The following RNF41 variants were observed in gnomAD, a reference collection of about 807,000 sequenced individuals.
RNF41 encodes E3 ubiquitin-protein ligase NRDP1.
A neutral mutation model predicts 33.0 loss-of-function variants in RNF41; 4 were observed. The observed-to-expected ratio is 0.12, with a 90% CI of 0.06 to 0.28. RNF41 has a LOEUF of 0.28. Among genes scored for constraint, RNF41 ranks in the 10% least tolerant of loss-of-function variants. The pLI is 1.00. For missense variants in RNF41, 228 were observed against 432.6 expected, an observed-to-expected ratio of 0.53 and a Z score of 4.19; for synonymous variants, 164 against 153.2, an observed-to-expected ratio of 1.07 and a Z score of -0.52.
At position 56,203,006 on chromosome 12, in the gene RNF41, G is replaced by C. The variant is rs1878654708; in HGVS notation, c.*3441C>G. Reference sequence around the variant, plus strand: ...GCTCTATACTGTGACATGCTTATCAGTATTTTATAAACATACCTTGTGTGC... The same window carrying C: ...GCTCTATACTGTGACATGCTTATCACTATTTTATAAACATACCTTGTGTGC... On this transcript the variant is annotated 3_prime_UTR_variant, in exon 7 of 7. Transcript: ENST00000345093. 6.9e-6 allele frequency: 1 copy of C among 144,088 alleles called. No individual in the cohort carries two copies. The highest frequency in any genetic ancestry group is 2.5e-5 in the African/African-American group (1 of 39,664). 8.9% of individuals were successfully genotyped at this position (144,088 alleles called of 1,614,324 possible). A position where few individuals can be genotyped will look rare whatever the true frequency, so the allele number is the denominator to read the frequency against.
chr12:56,207,535 G>T (rs967026990), intron 6 of RNF41, 111 bp downstream of exon 6: 1 of 875,422 alleles, frequency 1.1e-6, no homozygotes, highest in Non-Finnish European at 1.9e-6. Flanking sequence ...GAGAAGCAGT[G>T]ACCCCCAGCC....
intron 1 of RNF41, among the ~76,000 whole-genome samples, chr12:56,220,358 G>A (rs954907781): frequency 9.1e-6 from 1 of 110,298 alleles, no homozygotes; most frequent in Non-Finnish European, 1.8e-5. Context: ...GGGACTACAG[G>A]TGCATGCAGC....
chr12:56,208,088 C>T, intron 5 of RNF41, 75 bp downstream of exon 5: 1 of 1,565,614 alleles, frequency 6.4e-7, no homozygotes. Context: ...GTGTTCACAA[C>T]TGGTTTTTAT....
intron 1 of RNF41, among the ~76,000 whole-genome samples, chr12:56,217,404 G>C (rs1322634107): frequency 1.3e-5 from 2 of 151,990 alleles, no homozygotes; most frequent in African/African-American, 4.8e-5. Flanking sequence ...AAAATTAGCC[G>C]GGTATGGTGG....
Position 56,207,732 on chromosome 12 carries a change from C to T in RNF41, c.516G>A (p.Leu172=). The part of the protein sequence containing the change: ...QLAEQKRDIQ[L]LKAYMRAIRS... Reference sequence around the variant, plus strand: ...GGATTGCACGCATGTATGCCTTTAGCAGCTGGATGTCTCGCTTCTGTTGTG... The same window carrying T: ...GGATTGCACGCATGTATGCCTTTAGTAGCTGGATGTCTCGCTTCTGTTGTG... Residue 172 remains leucine, a synonymous_variant, in exon 6 of 7, where the codon CTG becomes CTA. Transcript: ENST00000345093. 1 of 1,613,974 alleles carries T rather than the reference C, an allele frequency of 6.2e-7. No individual in the cohort carries two copies. Among genetic ancestry groups the T allele is most frequent in the Non-Finnish European group, 8.5e-7 (1 of 1,179,822 alleles).
chr12:56,221,222 C>G (rs905862154), intron 1 of RNF41, among the ~76,000 whole-genome samples: 2 of 152,108 alleles, frequency 1.3e-5, no homozygotes, highest in Non-Finnish European at 2.9e-5. Flanking sequence ...GCCAGAGAGC[C>G]AGGCTGCAAA....
Position 56,206,567 on chromosome 12 carries a change from C to T in RNF41, c.834G>A (p.Lys278=), listed in dbSNP as rs1016135884. 5 of 1,614,200 alleles carry T rather than the reference C, an allele frequency of 3.1e-6. No individual in the cohort carries two copies. The highest frequency in any genetic ancestry group is 3.4e-6 in the Non-Finnish European group (4 of 1,180,034). The change falls in exon 7 of 7, where the codon AAG becomes AAA. Residue 278 remains lysine, a synonymous_variant. Coordinates refer to ENST00000345093, the MANE Select transcript of RNF41 (RefSeq NM_005785.4). This position sits in a 1 kb window ranked among gnomAD's most constrained non-coding sequence, Gnocchi z 5.7. The part of the protein sequence containing the change: ...NRRYYENYVA[K]RIPGKQAVVV... Reference sequence around the variant, plus strand: ...CAACAGCCTGCTTGCCAGGGATGCGCTTGGCCACGTAGTTCTCATAGTAGC... The same window carrying T: ...CAACAGCCTGCTTGCCAGGGATGCGTTTGGCCACGTAGTTCTCATAGTAGC...
chr12:56,206,592 C>T lies in RNF41; in HGVS notation c.809G>A (p.Arg270His), dbSNP rs945181194. ...ATLETRQMNR[R>H]YYENYVAKRI... is the part of the protein sequence containing the mutation. ...CTTGGCCACGTAGTTCTCATAGTAG[C>T]GTCGGTTCATCTGTCTAGTCTCTAG... Residue 270 changes from arginine to histidine, a missense_variant, in exon 7 of 7, where the codon CGC becomes CAC. Physicochemically the swap from Arg to His is conservative, Grantham distance 29. Coordinates refer to ENST00000345093, the MANE Select transcript of RNF41 (RefSeq NM_005785.4). This position sits in a 1 kb window ranked among gnomAD's most constrained non-coding sequence, Gnocchi z 5.7. 6.2e-6 allele frequency: 10 copies of T among 1,614,130 alleles called. No homozygotes were observed. The highest frequency in any genetic ancestry group is 7.6e-6 in the Non-Finnish European group (9 of 1,180,028).
chr12:56,209,282 C>G (rs10747763), intron 4 of RNF41, among the ~76,000 whole-genome samples: 115,997 of 151,946 alleles, frequency 0.76, 48,871 homozygotes, highest in East Asian at 0.98. Flanking sequence ...CCCCAGCTAT[C>G]AACATTCTTT....
Position 56,213,961 on chromosome 12 carries a change from T to G in RNF41, c.87A>C (p.Val29=). Residue 29 remains valine, a synonymous_variant, in exon 3 of 7, where the codon GTA becomes GTC. Coordinates refer to ENST00000345093, the MANE Select transcript of RNF41 (RefSeq NM_005785.4). The part of the protein sequence containing the change: ...PICSGVLEEP[V]QAPHCEHAFC... ...ACCTGCCATCAGACCAACTCACCTG[T>G]ACTGGCTCCTCCAAGACTCCACTGC... The G allele has an allele frequency of 6.2e-7, 1 of 1,611,250 alleles. No individual in the cohort carries two copies. The highest frequency in any genetic ancestry group is 1.3e-5 in the African/African-American group (1 of 74,956).
rs368699096 is a variant in RNF41, at chr12:56,208,219, G to A, written c.442C>T (p.Arg148Cys). Residue 148 changes from arginine (R) to cysteine (C), a missense_variant, in exon 5 of 7, where the codon CGC becomes TGC. Transcript: ENST00000345093. ...GACGTCTTCTCCAGCTCTGCGATGC[G>A]TGTCTGCTGCTGCTGTACCACTGAG... ...LRSVVQQQQT[R>C]IAELEKTSAE... The A allele has an allele frequency of 1.1e-5, 18 of 1,614,100 alleles. No individual in the cohort carries two copies. Among genetic ancestry groups the A allele is most frequent in the Admixed American group, 3.3e-5 (2 of 60,006 alleles).
intron 6 of RNF41, among the ~76,000 whole-genome samples, 179 bp downstream of exon 6, chr12:56,207,467 G>A (rs554511887): frequency 3.5e-4 from 53 of 152,310 alleles, no homozygotes; most frequent in Non-Finnish European, 1.0e-4. Flanking sequence ...AAGACATCCT[G>A]TAGTGGAGCT....
At position 56,206,663 on chromosome 12, in the gene RNF41, C is replaced by T. The variant is rs1868271710; in HGVS notation, c.738G>A (p.Leu246=). ...SGCPASIVNE[L]IENAHERSWP... ...AGCTACGCTCGTGGGCATTTTCAAT[C>T]AGCTCGTTGACAATAGAAGCAGGAC... is the stretch of plus-strand genomic sequence containing the variant. The change falls in exon 7 of 7, where the codon CTG becomes CTA. Residue 246 remains leucine (L), a synonymous_variant. Coordinates refer to ENST00000345093, the MANE Select transcript of RNF41 (RefSeq NM_005785.4). The surrounding 1 kb of genome is among the most constrained non-coding windows in gnomAD (Gnocchi z 5.7). The T allele has an allele frequency of 5.0e-6, 8 of 1,614,014 alleles. No individual in the cohort carries two copies. Among genetic ancestry groups the T allele is most frequent in the South Asian group, 4.4e-5 (4 of 91,082 alleles).
Position 56,204,091 on chromosome 12 carries a change from C to G in RNF41, c.*2356G>C, listed in dbSNP as rs556423473. 6.6e-6 allele frequency: 1 copy of G among 152,286 alleles called. No homozygotes were observed. The highest frequency in any genetic ancestry group is 1.9e-4 in the East Asian group (1 of 5,188). 9.4% of individuals were successfully genotyped at this position (152,286 alleles called of 1,614,324 possible). A position where few individuals can be genotyped will look rare whatever the true frequency, so the allele number is the denominator to read the frequency against. ...CATTTACGTTCTTAGCTAGGAAACA[C>G]TGGGAGGTAGAGACTTCTCTGCCTG... On this transcript the variant is annotated 3_prime_UTR_variant, in exon 7 of 7. Transcript: ENST00000345093.
At chr12:56,217,139 T>TAAA (rs1180669951) in intron 1 of RNF41, among the ~76,000 whole-genome samples, 2 of 104,852 alleles carry the variant, frequency 1.9e-5, no homozygotes, top group African/African-American at 3.6e-5. Flanking sequence ...GACTCCGTCT[T>TAAA]AAAAAAAAAA....
At chr12:56,219,056 G>A (rs1869132079) in intron 1 of RNF41, among the ~76,000 whole-genome samples, 1 of 150,834 alleles carries the variant, frequency 6.6e-6, no homozygotes, top group Non-Finnish European at 1.5e-5. Flanking sequence ...AGGATGGAGT[G>A]CAGTGATGCA....
intron 4 of RNF41, among the ~76,000 whole-genome samples, chr12:56,209,286 ATTCTTT>A (rs1412398534): frequency 6.6e-6 from 1 of 151,390 alleles, no homozygotes; most frequent in African/African-American, 2.4e-5. Context: ...AGCTATCAAC[ATTCTTT>A]TTATTTTTTA....
intron 6 of RNF41, 50 bp downstream of exon 6, chr12:56,207,596 G>T: frequency 7.4e-7 from 1 of 1,358,506 alleles, no homozygotes; most frequent in Non-Finnish European, 1.1e-6. Flanking sequence ...CCTCCTTTCA[G>T]GCCTTGTTGT....
chr12:56,213,852 GAGA>G lies in RNF41; in HGVS notation c.90+103_90+105del. 3 of 786,732 alleles carry G rather than the reference GAGA, an allele frequency of 3.8e-6. No homozygotes were observed. In the East Asian group the frequency reaches 7.3e-5, roughly 19 times the overall value. 48.7% of individuals were successfully genotyped at this position (786,732 alleles called of 1,614,324 possible). ...TAAATCTCTATTGGGTGAGGGTGGA[GAGA>G]AGAACACAGTGACTTCACCATGGGT... is the stretch of plus-strand genomic sequence containing the variant. On this transcript the variant is annotated intron_variant, in intron 3 of 6. Transcript: ENST00000345093.
Sources: gnomAD v4.1 joint callset for allele counts (sites outside exome capture counted in the v4.1 genomes callset) on GRCh38, gnomAD v4.1.1 for gene constraint, Gnocchi (gnomAD v3.1) non-coding constraint, MANE v1.5 for transcripts, NCBI Gene and HGNC (gene_info 2026-07-23, HGNC 2026-07-21) for gene names.